Variants in ADAMTSL2 observed in about 807,000 individuals in gnomAD.
ADAMTSL2 encodes ADAMTS like 2, also known as ADAMTS-like protein 2.
Under a neutral mutation model 117.0 loss-of-function variants are expected in ADAMTSL2, and 55 were observed. The observed-to-expected ratio is 0.47, with a 90% confidence interval of 0.38 to 0.59. The LOEUF is 0.59. ADAMTSL2 is among the 20% of genes least tolerant of loss of function. ADAMTSL2 has a pLI of 0.00. For missense variants in ADAMTSL2, 1,182 were observed against 1,354.5 expected, an observed-to-expected ratio of 0.87 and a Z score of 2.00; for synonymous variants, 572 against 566.4, an observed-to-expected ratio of 1.01 and a Z score of -0.14.
In ADAMTSL2 at chr9:133,575,499, G is replaced by T. The variant is rs886063656; in HGVS notation, c.*635G>T. On this transcript the variant is annotated 3_prime_UTR_variant, in exon 19 of 19. Transcript: ENST00000651351. ...GTCAGTGCTCATCTACGTTAATAAA[G>T]TGGTCCTATTTATGGCGGCATCATG... The T allele has an allele frequency of 6.5e-6, 1 of 154,622 alleles. No individual in the cohort carries two copies. The highest frequency in any genetic ancestry group is 1.4e-5 in the Non-Finnish European group (1 of 69,590). 9.6% of individuals were successfully genotyped at this position (154,622 alleles called of 1,614,324 possible).
At chr9:133,537,259 C>A in intron 2 of ADAMTSL2, 146 bp from the exon 3 acceptor site, 1 of 877,136 alleles carries the variant, frequency 1.1e-6, no homozygotes, top group Non-Finnish European at 1.6e-6. Flanking sequence ...TGAACCCAAG[C>A]TGCCGAGTGA....
intron 12 of ADAMTSL2, 43 bp from the exon 13 acceptor site, chr9:133,566,893 G>T (rs1473977731): frequency 5.7e-6 from 9 of 1,586,172 alleles, no homozygotes; most frequent in Non-Finnish European, 7.7e-6. Context: ...TGGGCTCCAA[G>T]GTGCCGGCAT....
chr9:133,550,671 G>T (rs1286540707), intron 9 of ADAMTSL2, among the ~76,000 whole-genome samples: 1 of 142,268 alleles, frequency 7.0e-6, no homozygotes, highest in Non-Finnish European at 1.6e-5. Context: ...TAGAGGCTTA[G>T]TGTTGAGGCC....
At chr9:133,564,976 G>A (rs1830929933) in intron 12 of ADAMTSL2, among the ~76,000 whole-genome samples, 3 of 152,106 alleles carry the variant, frequency 2.0e-5, no homozygotes, top group Non-Finnish European at 2.9e-5. Context: ...GGGGAAGCTT[G>A]TTTTTAGATT....
Position 133,537,536 on chromosome 9 carries a change from C to A in ADAMTSL2, c.222C>A (p.Cys74Ter). 7.4e-7 allele frequency: 1 copy of A among 1,350,048 alleles called. No homozygotes were observed. Among genetic ancestry groups the A allele is most frequent in the South Asian group, 2.4e-5 (1 of 41,688 alleles). The allele number at this position is 1,350,048 out of a possible 1,614,324, so 83.6% of individuals were successfully genotyped here. The change falls in exon 3 of 19, where the codon TGC becomes TGA. Residue 74 changes from cysteine to a stop codon, truncating the protein, a stop_gained. Transcript: ENST00000651351. LOFTEE classifies it high-confidence loss of function. ...GGGVTSQERH[C>*]LQQRRKSVPG... The stretch of plus-strand genomic sequence containing the variant: ...GGGTGACATCCCAGGAGCGGCACTG[C>A]CTGCAGCAGAGGTGCGAGGTTGGGC...
In ADAMTSL2 at chr9:133,534,845, G is replaced by A; in HGVS notation, c.-223G>A. The A allele has an allele frequency of 1.3e-6, 2 of 1,497,324 alleles. No homozygotes were observed. Among genetic ancestry groups the A allele is most frequent in the Non-Finnish European group, 1.8e-6 (2 of 1,119,050 alleles). The allele number at this position is 1,497,324 out of a possible 1,614,324, so 92.8% of individuals were successfully genotyped here. On this transcript the variant is annotated 5_prime_UTR_variant, in exon 1 of 19. Coordinates refer to ENST00000651351, the MANE Select transcript of ADAMTSL2 (RefSeq NM_014694.4). ...CTCACGCCGCCCCCGCACGCACAGC[G>A]CACCTGGCGCCGTCTGCCCTCCGCA...
intron 8 of ADAMTSL2, 125 bp from the exon 9 acceptor site, chr9:133,546,913 C>T: frequency 3.0e-6 from 3 of 986,878 alleles, no homozygotes; most frequent in Non-Finnish European, 4.9e-6. Flanking sequence ...TGGGAGTTTC[C>T]TGTCTCGGGA....
upstream of ADAMTSL2, among the ~76,000 whole-genome samples, chr9:133,533,092 G>C (rs1452604167): frequency 6.6e-6 from 1 of 152,210 alleles, no homozygotes. Context: ...AGAAGAGAGA[G>C]GAAGGGGATG....
In ADAMTSL2 at chr9:133,554,243, C is replaced by A; in HGVS notation, c.940-114C>A. The A allele has an allele frequency of 1.0e-6, 1 of 980,394 alleles. No homozygotes were observed. The highest frequency in any genetic ancestry group is 1.5e-6 in the Non-Finnish European group (1 of 671,314). 60.7% of individuals were successfully genotyped at this position (980,394 alleles called of 1,614,324 possible). On this transcript the variant is annotated intron_variant, in intron 9 of 18. Coordinates refer to ENST00000651351, the MANE Select transcript of ADAMTSL2 (RefSeq NM_014694.4). This position sits in a 1 kb window ranked among gnomAD's most constrained non-coding sequence, Gnocchi z 5.2. ...TAGTCAGTGTCATTCCCTGAGGGGG[C>A]TCAACTGCCAGTCACAGCAGGGAAC... is the stretch of plus-strand genomic sequence containing the variant.
chr9:133,561,913 C>G (rs1198144017), intron 12 of ADAMTSL2, among the ~76,000 whole-genome samples: 2 of 152,230 alleles, frequency 1.3e-5, no homozygotes, highest in Admixed American at 6.5e-5. Context: ...GCTGCCCACT[C>G]TAGTACCCTC....
chr9:133,544,890 C>T (rs540175663), intron 8 of ADAMTSL2, among the ~76,000 whole-genome samples: 193 of 152,246 alleles, frequency 1.3e-3, no homozygotes, highest in Non-Finnish European at 2.5e-3. Context: ...CTGTGGGGTT[C>T]GAGGAGTGAG....
rs1830062131 is a variant in ADAMTSL2, at chr9:133,536,756, T to C, written c.44T>C (p.Leu15Pro). The C allele has an allele frequency of 6.2e-7, 1 of 1,614,122 alleles. No individual in the cohort carries two copies. The highest frequency in any genetic ancestry group is 8.5e-7 in the Non-Finnish European group (1 of 1,180,056). The change falls in exon 2 of 19, where the codon CTG becomes CCG. Residue 15 changes from leucine to proline, a missense_variant. Transcript: ENST00000651351. ...TGTTCCTGCTGGGCCTGGTTCCTGC[T>C]GGTTCTGGCAGTTGTAGCTGGGGAC... Reference protein sequence around the residue: ...WQCSCWAWFLLVLAVVAGDTV... With the variant: ...WQCSCWAWFLPVLAVVAGDTV...
chr9:133,533,478 T>C (rs1007662156), upstream of ADAMTSL2, among the ~76,000 whole-genome samples: 1 of 152,140 alleles, frequency 6.6e-6, no homozygotes, highest in Non-Finnish European at 1.5e-5. Context: ...AGAGGTGACT[T>C]GGTCCCCGAA....
rs1830560667 is a variant in ADAMTSL2 at position 133,554,532 on chromosome 9, G to T, written c.1115G>T (p.Gly372Val). ...GTCCCGCACAACGGCTCCCTCTACG[G>T]CCAGGCCTCCTCAGAGCGGCTGGGC... is the stretch of plus-strand genomic sequence containing the variant. ...GFVPHNGSLY[G>V]QASSERLGLD... is the part of the protein sequence containing the mutation. The change falls in exon 10 of 19, where the codon GGC becomes GTC. Residue 372 changes from glycine to valine, a missense_variant. Coordinates refer to ENST00000651351, the MANE Select transcript of ADAMTSL2 (RefSeq NM_014694.4). This position sits in a 1 kb window ranked among gnomAD's most constrained non-coding sequence, Gnocchi z 5.2. 6.5e-7 allele frequency: 1 copy of T among 1,549,356 alleles called. No homozygotes were observed.
At position 133,561,230 on chromosome 9, in the gene ADAMTSL2, G is replaced by A; in HGVS notation, c.1682G>A (p.Ser561Asn). ...CCCAAGGCGCGCAAGCAAGGCGTGA[G>A]TCCCGCGGACATGTACCGGTGGAAG... ...TRPKARKQGV[S>N]PADMYRWKLS... Residue 561 changes from serine (S) to asparagine (N), a missense_variant, in exon 12 of 19, where the codon AGT becomes AAT. Around this residue, in one of 3 missense-constraint regions of ADAMTSL2, gnomAD observed 345 missense variants for 325.8 expected, o/e 1.06. Coordinates refer to ENST00000651351, the MANE Select transcript of ADAMTSL2 (RefSeq NM_014694.4). 1 of 1,608,562 alleles carries A rather than the reference G, an allele frequency of 6.2e-7. No homozygotes were observed. The highest frequency in any genetic ancestry group is 8.5e-7 in the Non-Finnish European group (1 of 1,178,024).
At chr9:133,537,691 C>A in intron 3 of ADAMTSL2, 144 bp downstream of exon 3, 1 of 1,002,094 alleles carries the variant, frequency 1.0e-6, no homozygotes, top group Non-Finnish European at 1.3e-6. Flanking sequence ...GTCCCCCCAT[C>A]AGCCTCTGCT....
rs1453028193 is a variant in ADAMTSL2 at position 133,554,568 on chromosome 9, G to A, written c.1151G>A (p.Arg384Gln). 2.6e-5 allele frequency: 40 copies of A among 1,546,724 alleles called. 1 individual carries two copies. Among genetic ancestry groups the A allele is most frequent in the Middle Eastern group, 3.5e-4 (2 of 5,770 alleles). The change falls in exon 10 of 19, where the codon CGG (arginine) becomes CAG (glutamine). Residue 384 changes from arginine (R) to glutamine (Q), a missense_variant. Arg to Gln is a conservative substitution (Grantham distance 43). Transcript: ENST00000651351. The surrounding 1 kb of genome is among the most constrained non-coding windows in gnomAD (Gnocchi z 5.2). ...TCAGAGCGGCTGGGCCTGGACAACC[G>A]GCTGTTCGGCCACCCGGGCCTGGAC... ...ASSERLGLDN[R>Q]LFGHPGLDME...
In ADAMTSL2 at chr9:133,543,204, C is replaced by T. The variant is rs1250847954; in HGVS notation, c.683-1266C>T. Among the ~76,000 whole-genome samples, 6 of 152,272 alleles carry T rather than the reference C, an allele frequency of 3.9e-5. No homozygotes were observed. The South Asian group carries it at 8.3e-4, about 21-fold the overall frequency. On this transcript the variant is annotated intron_variant, in intron 7 of 18. Coordinates refer to ENST00000651351, the MANE Select transcript of ADAMTSL2 (RefSeq NM_014694.4). ...CTGACCTCAGGTAATCTGCCCGCCT[C>T]GGCCTCCCAAAGTGTATAACTATTT...
intron 12 of ADAMTSL2, among the ~76,000 whole-genome samples, chr9:133,565,712 C>T (rs1196636231): frequency 1.3e-5 from 2 of 152,258 alleles, no homozygotes; most frequent in Admixed American, 1.3e-4. Context: ...CCTGCAGACA[C>T]ACGCCGCCGG....
Sources: gnomAD v4.1 joint callset for allele counts (sites outside exome capture counted in the v4.1 genomes callset) on GRCh38, gnomAD v4.1.1 for gene constraint, gnomAD v4.1.1 regional missense constraint, Gnocchi (gnomAD v3.1) non-coding constraint, MANE v1.5 for transcripts, NCBI Gene and HGNC (gene_info 2026-07-23, HGNC 2026-07-21) for gene names.